Variants in RPS6KB1 observed in about 807,000 individuals in gnomAD.
The protein encoded by RPS6KB1 is ribosomal protein S6 kinase B1.
Under a neutral mutation model 70.2 loss-of-function variants are expected in RPS6KB1, and 12 were observed. That is an observed-to-expected ratio of 0.17 (90% CI 0.11 to 0.28). The LOEUF (loss-of-function observed/expected upper bound fraction) is 0.28, where lower values mean the gene tolerates loss of function less well. Ranked by LOEUF, RPS6KB1 falls within the 10% of genes least tolerant of loss-of-function variation. The pLI is 1.00. For missense variants in RPS6KB1, 270 were observed against 646.6 expected (o/e 0.42, Z 6.32); for synonymous variants, 175 against 211.2 (o/e 0.83, Z 1.49).
chr17:59,929,065 G>A (rs2043787355), intron 5 of RPS6KB1, among the ~76,000 whole-genome samples: 1 of 151,636 alleles, frequency 6.6e-6, no homozygotes. Flanking sequence ...TAATTAATAA[G>A]TATCTTTTGA....
intron 1 of RPS6KB1, among the ~76,000 whole-genome samples, chr17:59,899,683 CTG>C: frequency 6.6e-6 from 1 of 152,256 alleles, no homozygotes; most frequent in South Asian, 2.1e-4. Flanking sequence ...ATAAAAGAAA[CTG>C]TATCCAGTTA....
At chr17:59,897,259 C>T (rs919104190) in intron 1 of RPS6KB1, among the ~76,000 whole-genome samples, 1 of 152,170 alleles carries the variant, frequency 6.6e-6, no homozygotes, top group Non-Finnish European at 1.5e-5. Flanking sequence ...GGAGTAAATT[C>T]CTTAATCTCT....
chr17:59,896,897 C>T (rs952753380), intron 1 of RPS6KB1, among the ~76,000 whole-genome samples: 4 of 149,108 alleles, frequency 2.7e-5, no homozygotes, highest in Non-Finnish European at 5.9e-5. Flanking sequence ...GATTCGGTGA[C>T]ATCCAGATTA....
rs2045129845 is a variant in RPS6KB1 at position 59,950,047 on chromosome 17, G to A, written c.*3259G>A. On this transcript the variant is annotated 3_prime_UTR_variant, in exon 15 of 15. Transcript: ENST00000225577. ...TCCAAACATCTACCTTTTTTCATAGGAGTAGACACTAGCAAGCTGGACAAA... is the reference window on the plus strand; with the variant it reads ...TCCAAACATCTACCTTTTTTCATAGAAGTAGACACTAGCAAGCTGGACAAA... 1 of 152,412 alleles carries A rather than the reference G, an allele frequency of 6.6e-6. No individual in the cohort carries two copies. The highest frequency in any genetic ancestry group is 1.9e-4 in the East Asian group (1 of 5,196). 9.4% of individuals were successfully genotyped at this position (152,412 alleles called of 1,614,324 possible). A position where few individuals can be genotyped will look rare whatever the true frequency, so the allele number is the denominator to read the frequency against.
rs938656367 is a variant in RPS6KB1, at chr17:59,948,280, T to G, written c.*1492T>G. 14 of 152,672 alleles carry G rather than the reference T, an allele frequency of 9.2e-5. No individual in the cohort carries two copies. Among genetic ancestry groups the G allele is most frequent in the African/African-American group, 3.4e-4 (14 of 41,466 alleles). 9.5% of individuals were successfully genotyped at this position (152,672 alleles called of 1,614,324 possible). On this transcript the variant is annotated 3_prime_UTR_variant, in exon 15 of 15. Transcript: ENST00000225577. ...TATAAAAATATATTTCAGTGCATAC[T>G]GGTATAATAGATGATCATGCAGTTG...
chr17:59,916,774 C>G (rs1167534601), intron 4 of RPS6KB1, among the ~76,000 whole-genome samples: 1 of 151,996 alleles, frequency 6.6e-6, no homozygotes, highest in Non-Finnish European at 1.5e-5. Flanking sequence ...TTCCCTTTTT[C>G]TTAGTTTATG....
intron 4 of RPS6KB1, among the ~76,000 whole-genome samples, chr17:59,916,777 A>G (rs2042986298): frequency 6.6e-6 from 1 of 151,964 alleles, no homozygotes; most frequent in Non-Finnish European, 1.5e-5. Flanking sequence ...CCTTTTTCTT[A>G]GTTTATGTCC....
chr17:59,909,081 C>A (rs1306837818), intron 1 of RPS6KB1, among the ~76,000 whole-genome samples: 1 of 150,794 alleles, frequency 6.6e-6, no homozygotes, highest in Non-Finnish European at 1.5e-5. Context: ...CATGGGCCAC[C>A]ACGGCCGACT....
In RPS6KB1 at chr17:59,939,269, ATTTTAT is replaced by A. The variant is rs1156917972; in HGVS notation, c.1120-1558_1120-1553del. Among the ~76,000 whole-genome samples, 3 of 151,866 alleles carry A rather than the reference ATTTTAT, an allele frequency of 2.0e-5. No homozygotes were observed. In the East Asian group the frequency reaches 5.8e-4, roughly 29 times the overall value. On this transcript the variant is annotated intron_variant, in intron 12 of 14. Coordinates refer to ENST00000225577, the MANE Select transcript of RPS6KB1 (RefSeq NM_003161.4). ...GTTTCATTTCATCGCAGTTATTTTTATTTTATTTTTATTTATTCATTTATTGTTTTG... is the reference window on the plus strand; with the variant it reads ...GTTTCATTTCATCGCAGTTATTTTTATTTTATTTATTCATTTATTGTTTTG...
At chr17:59,938,865 C>T (rs2044412615) in intron 12 of RPS6KB1, among the ~76,000 whole-genome samples, 1 of 151,928 alleles carries the variant, frequency 6.6e-6, no homozygotes, top group South Asian at 2.1e-4. Flanking sequence ...CTATAGGTAC[C>T]TTCAGGAGTA....
chr17:59,905,999 T>C (rs2042243831), intron 1 of RPS6KB1, among the ~76,000 whole-genome samples: 1 of 152,112 alleles, frequency 6.6e-6, no homozygotes, highest in Admixed American at 6.6e-5. Context: ...CTTTGCTCCA[T>C]TTTGAGTTAA....
rs2045045248 is a variant in RPS6KB1, at chr17:59,948,395, G to A, written c.*1607G>A. On this transcript the variant is annotated 3_prime_UTR_variant, in exon 15 of 15. Transcript: ENST00000225577. ...CAATTTGTAATATTTTGCAACCCTA[G>A]GATTTTTTTAAATAGATGCTGCTTG... 6.6e-6 allele frequency: 1 copy of A among 152,482 alleles called. No homozygotes were observed. The highest frequency in any genetic ancestry group is 2.1e-4 in the South Asian group (1 of 4,830). 9.4% of individuals were successfully genotyped at this position (152,482 alleles called of 1,614,324 possible).
chr17:59,895,318 CTTTTTTTT>C (rs71145587), intron 1 of RPS6KB1, among the ~76,000 whole-genome samples: 16,352 of 106,176 alleles, frequency 0.15, 1,238 homozygotes, highest in Middle Eastern at 0.23. Flanking sequence ...CTGCGCCTGG[CTTTTTTTT>C]TTTTTTTTTT....
chr17:59,902,578 CTT>C (rs559757964), intron 1 of RPS6KB1, among the ~76,000 whole-genome samples: 19 of 134,256 alleles, frequency 1.4e-4, no homozygotes, highest in Non-Finnish European at 1.6e-4. Flanking sequence ...TTTTTTGTTT[CTT>C]TTTTTTTTTT....
At chr17:59,900,213 CA>C (rs2041837140) in intron 1 of RPS6KB1, among the ~76,000 whole-genome samples, 8 of 133,330 alleles carry the variant, frequency 6.0e-5, no homozygotes, top group Admixed American at 7.7e-5. Flanking sequence ...CACACACACA[CA>C]CACACACACA....
At chr17:59,919,824 C>T (rs2043166317) in intron 4 of RPS6KB1, among the ~76,000 whole-genome samples, 1 of 152,226 alleles carries the variant, frequency 6.6e-6, no homozygotes. Context: ...TCTTCAGTTC[C>T]TTTAATTTTT....
rs28540270 is a variant in RPS6KB1, at chr17:59,910,016, A to T, written c.142-546A>T. 4.0e-5 allele frequency among the ~76,000 whole-genome samples: 6 copies of T among 150,568 alleles called. No homozygotes were observed. The East Asian group carries it at 5.9e-4, about 15-fold the overall frequency. ...AACAGAGCAAGACTCCATCTCAAAA[A>T]ATATATATATATACACAAAAATTAG... is the stretch of plus-strand genomic sequence containing the variant. On this transcript the variant is annotated intron_variant, in intron 1 of 14. Transcript: ENST00000225577.
chr17:59,913,099 T>C (rs1311484608), intron 3 of RPS6KB1, among the ~76,000 whole-genome samples: 3 of 152,212 alleles, frequency 2.0e-5, no homozygotes, highest in Non-Finnish European at 4.4e-5. Flanking sequence ...TTTACTTTGG[T>C]TAAATGGTAT....
intron 5 of RPS6KB1, among the ~76,000 whole-genome samples, chr17:59,929,086 T>A (rs1357262753): frequency 1.3e-5 from 2 of 152,192 alleles, no homozygotes; most frequent in East Asian, 3.8e-4. Flanking sequence ...GGAGATACTT[T>A]GAGATTATTT....
Sources: allele counts gnomAD v4.1 joint callset (sites outside exome capture counted in the v4.1 genomes callset), GRCh38; gene constraint gnomAD v4.1.1; transcripts MANE v1.5; gene names NCBI Gene and HGNC (gene_info 2026-07-23, HGNC 2026-07-21).